Variants in ARHGAP18 observed in about 807,000 individuals in gnomAD.
The protein encoded by ARHGAP18 is rho GTPase-activating protein 18.
Under a neutral mutation model 86.2 loss-of-function variants are expected in ARHGAP18, and 67 were observed. That is an observed-to-expected ratio of 0.78 (90% CI 0.64 to 0.95). The LOEUF is 0.95. ARHGAP18 is among the 40% of genes least tolerant of loss of function. ARHGAP18 has a pLI of 0.00. For missense variants in ARHGAP18, 691 were observed against 780.4 expected (o/e 0.89, Z 1.37); for synonymous variants, 283 against 280.4 (o/e 1.01, Z -0.09).
chr6:129,678,214 C>A (rs1287754561), intron 1 of ARHGAP18, among the ~76,000 whole-genome samples: 2 of 152,196 alleles, frequency 1.3e-5, no homozygotes, highest in African/African-American at 2.4e-5. Context: ...CCTTTTGGGT[C>A]TCCGATCAAT....
chr6:129,588,463 C>T lies in ARHGAP18; in HGVS notation c.1714-4351G>A, dbSNP rs533865466. On this transcript the variant is annotated intron_variant, in intron 12 of 14. Transcript: ENST00000368149. ...AATGATCTTCTTTGACTCCATGTCT[C>T]ACATTCAGGTCATGCTGATACAAGA... is the stretch of plus-strand genomic sequence containing the variant. Among the ~76,000 whole-genome samples the T allele has an allele frequency of 6.6e-5, 10 of 152,166 alleles. No homozygotes were observed. In the South Asian group the frequency reaches 1.9e-3, roughly 28 times the overall value.
chr6:129,660,848 G>A (rs1160520310), intron 1 of ARHGAP18, among the ~76,000 whole-genome samples: 1 of 151,990 alleles, frequency 6.6e-6, no homozygotes, highest in Non-Finnish European at 1.5e-5. Flanking sequence ...AGAGCTCAAC[G>A]AAAACAAATT....
Position 129,618,792 on chromosome 6 carries a change from C to G in ARHGAP18, c.847G>C (p.Asp283His), listed in dbSNP as rs1175853139. The change falls in exon 6 of 15, where the codon GAC (aspartate) becomes CAC (histidine). Residue 283 changes from aspartate (D) to histidine (H), a missense_variant. Coordinates refer to ENST00000368149, the MANE Select transcript of ARHGAP18 (RefSeq NM_033515.3). ...TTRIGDLAPQ[D>H]MKKVCHLALI... is the part of the protein sequence containing the mutation. ...GCTAAATGGCAAACTTTCTTCATGT[C>G]CTGGGGTGCGAGGTCACCAATCCTT... 1 of 1,613,496 alleles carries G rather than the reference C, an allele frequency of 6.2e-7. No individual in the cohort carries two copies.
chr6:129,672,285 C>G (rs949797923), intron 1 of ARHGAP18, among the ~76,000 whole-genome samples: 1 of 152,240 alleles, frequency 6.6e-6, no homozygotes, highest in African/African-American at 2.4e-5. Context: ...AATGTGGCCA[C>G]AACCTTGGCC....
At chr6:129,667,626 G>A (rs1774067024) in intron 1 of ARHGAP18, among the ~76,000 whole-genome samples, 1 of 151,698 alleles carries the variant, frequency 6.6e-6, no homozygotes, top group Admixed American at 6.6e-5. Context: ...AACATATATT[G>A]AGATCCAAAG....
chr6:129,661,994 A>ACAC, intron 1 of ARHGAP18: 1 of 846,298 alleles, frequency 1.2e-6, no homozygotes, highest in Non-Finnish European at 1.4e-6. Flanking sequence ...ACACACACAG[A>ACAC]ACACAAAGCC....
intron 7 of ARHGAP18, among the ~76,000 whole-genome samples, chr6:129,613,061 G>A (rs541814016): frequency 8.4e-4 from 127 of 151,884 alleles, no homozygotes; most frequent in African/African-American, 2.9e-3. Context: ...GTGAAACCCC[G>A]TCTCTACTAA....
chr6:129,608,181 C>T (rs1263034642), intron 8 of ARHGAP18, 129 bp from the exon 9 acceptor site: 6 of 1,128,018 alleles, frequency 5.3e-6, no homozygotes, highest in East Asian at 2.9e-5. Flanking sequence ...AATCAGACTA[C>T]CAAAAGTCAA....
chr6:129,578,018 CT>C lies in ARHGAP18; in HGVS notation c.*494del, dbSNP rs566787231. The C allele has an allele frequency of 5.3e-5, 8 of 152,212 alleles. No individual in the cohort carries two copies. The South Asian group carries it at 1.7e-3, about 32-fold the overall frequency. 9.4% of individuals were successfully genotyped at this position (152,212 alleles called of 1,614,324 possible). On this transcript the variant is annotated 3_prime_UTR_variant, in exon 15 of 15. Transcript: ENST00000368149. ...CTAACATTCTGTCGTGACAGGAATA[CT>C]GTGAAATTAGGTATGTTTTAATGTG...
intron 1 of ARHGAP18, among the ~76,000 whole-genome samples, chr6:129,662,827 T>C (rs1773978184): frequency 6.6e-6 from 1 of 152,200 alleles, no homozygotes; most frequent in African/African-American, 2.4e-5. Context: ...CACCTCTTAA[T>C]TCCAACACAT....
At chr6:129,672,619 T>G (rs1774159489) in intron 1 of ARHGAP18, among the ~76,000 whole-genome samples, 1 of 152,234 alleles carries the variant, frequency 6.6e-6, no homozygotes, top group South Asian at 2.1e-4. Flanking sequence ...TTTAAACATT[T>G]TTTTCCAATG....
chr6:129,675,399 A>AG (rs1442018058), intron 1 of ARHGAP18, among the ~76,000 whole-genome samples: 1 of 151,886 alleles, frequency 6.6e-6, no homozygotes, highest in Non-Finnish European at 1.5e-5. Flanking sequence ...AAAAAAAAAA[A>AG]AAGAGGTTGA....
At chr6:129,692,050 C>T (rs1007723890) in intron 1 of ARHGAP18, among the ~76,000 whole-genome samples, 1 of 152,172 alleles carries the variant, frequency 6.6e-6, no homozygotes, top group Non-Finnish European at 1.5e-5. Context: ...GGAGCAACTG[C>T]CCTTTCCTTC....
At chr6:129,601,505 AAAGAG>A (rs373385207) in intron 10 of ARHGAP18, among the ~76,000 whole-genome samples, 6 of 152,156 alleles carry the variant, frequency 3.9e-5, no homozygotes, top group African/African-American at 1.2e-4. Context: ...AGAAAAGAGA[AAAGAG>A]AAAAGAGAGA....
At chr6:129,598,937 TA>T (rs1282891806) in intron 12 of ARHGAP18, 2 of 214,696 alleles carry the variant, frequency 9.3e-6, no homozygotes, top group Admixed American at 5.9e-5. Flanking sequence ...GGTAGGGGTG[TA>T]GGGGTGTGTG....
chr6:129,580,098 A>T lies in ARHGAP18; in HGVS notation c.1872T>A (p.Val624=), dbSNP rs749014790. Residue 624 remains valine (V), a synonymous_variant, in exon 14 of 15, where the codon GTT becomes GTA. Coordinates refer to ENST00000368149, the MANE Select transcript of ARHGAP18 (RefSeq NM_033515.3). ...GVAQTLKKGE[V]FLYEIGGNIG... ...TATTTCCTCCAATTTCATACAAAAA[A>T]ACTTCTCCTTTCTTGAGAGTCTGGG... 1.2e-6 allele frequency: 2 copies of T among 1,613,698 alleles called. No individual in the cohort carries two copies. The highest frequency in any genetic ancestry group is 1.7e-6 in the Non-Finnish European group (2 of 1,179,830).
chr6:129,590,949 A>C (rs1002053081), intron 12 of ARHGAP18, among the ~76,000 whole-genome samples: 1 of 152,226 alleles, frequency 6.6e-6, no homozygotes, highest in African/African-American at 2.4e-5. Flanking sequence ...ATCCCTGAAG[A>C]AGAAACGAGT....
At position 129,602,652 on chromosome 6, in the gene ARHGAP18, T is replaced by C. The variant is rs778994402; in HGVS notation, c.1366-1804A>G. Among the ~76,000 whole-genome samples, 4 of 152,132 alleles carry C rather than the reference T, an allele frequency of 2.6e-5. No homozygotes were observed. The South Asian group carries it at 6.2e-4, about 24-fold the overall frequency. ...CTAGTACAGTGCTCAGGAAGTTAAATTGTAATCCAAGCATAAAGTTATATA... is the reference window on the plus strand; with the variant it reads ...CTAGTACAGTGCTCAGGAAGTTAAACTGTAATCCAAGCATAAAGTTATATA... On this transcript the variant is annotated intron_variant, in intron 10 of 14. Coordinates refer to ENST00000368149, the MANE Select transcript of ARHGAP18 (RefSeq NM_033515.3).
chr6:129,675,383 C>CA (rs71664105), intron 1 of ARHGAP18, among the ~76,000 whole-genome samples: 9,218 of 90,422 alleles, frequency 0.1, 484 homozygotes, highest in Middle Eastern at 0.17. Flanking sequence ...GACTCCATCT[C>CA]AAAAAAAAAA....
Sources: allele counts gnomAD v4.1 joint callset (sites outside exome capture counted in the v4.1 genomes callset), GRCh38; gene constraint gnomAD v4.1.1; transcripts MANE v1.5; gene names NCBI Gene and HGNC (gene_info 2026-07-23, HGNC 2026-07-21).